DEPP1: variants seen among roughly 807,000 people sequenced by gnomAD.
DEPP1 encodes protein DEPP1.
For synonymous variants in DEPP1, 117 were observed against 113.6 expected (o/e 1.03, Z -0.19); for missense variants, 267 against 280.1 (o/e 0.95, Z 0.33).
chr10:44,977,660 C>T lies in DEPP1; in HGVS notation c.371G>A (p.Arg124Lys), dbSNP rs747007077. Residue 124 changes from arginine to lysine, a missense_variant, in exon 2 of 2, where the codon AGG becomes AAG. Coordinates refer to ENST00000298295, the MANE Select transcript of DEPP1 (RefSeq NM_007021.4). ...EKQPSQRDLP[R>K]RTGPSAGLWG... Reference sequence around the variant, plus strand: ...GAGGCCAGCAGAGGGGCCAGTCCTCCTTGGCAGGTCCCTCTGGCTTGGCTG... The same window carrying T: ...GAGGCCAGCAGAGGGGCCAGTCCTCTTTGGCAGGTCCCTCTGGCTTGGCTG... 1.2e-6 allele frequency: 2 copies of T among 1,612,936 alleles called. No homozygotes were observed. Among genetic ancestry groups the T allele is most frequent in the East Asian group, 2.2e-5 (1 of 44,888 alleles).
intron 1 of DEPP1, 195 bp from the exon 2 acceptor site, chr10:44,978,250 G>A: frequency 1.8e-6 from 1 of 542,948 alleles, no homozygotes; most frequent in Non-Finnish European, 3.2e-6. Flanking sequence ...AAAGGCTTAA[G>A]ATTTTATCAT....
chr10:44,977,552 T>C lies in DEPP1; in HGVS notation c.479A>G (p.His160Arg), dbSNP rs749005637. 1.1e-5 allele frequency: 18 copies of C among 1,613,382 alleles called. No individual in the cohort carries two copies. The South Asian group carries it at 1.5e-4, about 14-fold the overall frequency. ...ATCCTGCGGTGGTCTTGCCAGGGAA[T>C]GCCCAGGCATCCTGGCTTCACAGAG... is the stretch of plus-strand genomic sequence containing the variant. ...GRLCEARMPGHSLARPPQDGQ... is the reference protein window; with the variant it reads ...GRLCEARMPGRSLARPPQDGQ... Residue 160 changes from histidine (H) to arginine (R), a missense_variant, in exon 2 of 2, where the codon CAT becomes CGT. Physicochemically the swap from His to Arg is conservative, Grantham distance 29 (BLOSUM62 0). Transcript: ENST00000298295.
rs775469956 is a variant in DEPP1, at chr10:44,977,875, AGAG to A, written c.153_155del (p.Ser52del). Reference sequence around the variant, plus strand: ...CCTGGGCCGTGGCCTTGTCCAGCACAGAGGTGGGCTGTGCCAGTCGAGATATAG... The same window carrying A: ...CCTGGGCCGTGGCCTTGTCCAGCACAGTGGGCTGTGCCAGTCGAGATATAG... On this transcript the variant is annotated inframe_deletion, in exon 2 of 2. Coordinates refer to ENST00000298295, the MANE Select transcript of DEPP1 (RefSeq NM_007021.4). The A allele has an allele frequency of 3.2e-5, 51 of 1,611,876 alleles. No homozygotes were observed. Among genetic ancestry groups the A allele is most frequent in the Non-Finnish European group, 5.9e-6 (7 of 1,179,392 alleles).
chr10:44,978,163 G>T, intron 1 of DEPP1, 108 bp from the exon 2 acceptor site: 1 of 1,027,212 alleles, frequency 9.7e-7, no homozygotes, highest in South Asian at 1.7e-5. Flanking sequence ...TGCCCTGAGA[G>T]CAATTTGAAG....
rs1841492255 is a variant in DEPP1, at chr10:44,977,551, A to G, written c.480T>C (p.His160=). 2 of 1,613,324 alleles carry G rather than the reference A, an allele frequency of 1.2e-6. No individual in the cohort carries two copies. Among genetic ancestry groups the G allele is most frequent in the African/African-American group, 2.7e-5 (2 of 74,940 alleles). The change falls in exon 2 of 2, where the codon CAT becomes CAC. Residue 160 remains histidine, a synonymous_variant. Transcript: ENST00000298295. ...CATCCTGCGGTGGTCTTGCCAGGGA[A>G]TGCCCAGGCATCCTGGCTTCACAGA... ...GRLCEARMPG[H]SLARPPQDGQ...
rs1841476421 is a variant in DEPP1, at chr10:44,977,312, G to A, written c.*80C>T. Reference sequence around the variant, plus strand: ...GCATTTCCCTTTCAGAGACCTGCCAGGGGCAGTGACCACCATGGAGGAGAC... The same window carrying A: ...GCATTTCCCTTTCAGAGACCTGCCAAGGGCAGTGACCACCATGGAGGAGAC... On this transcript the variant is annotated 3_prime_UTR_variant, in exon 2 of 2. Coordinates refer to ENST00000298295, the MANE Select transcript of DEPP1 (RefSeq NM_007021.4). The A allele has an allele frequency of 1.3e-6, 2 of 1,488,822 alleles. No homozygotes were observed. The highest frequency in any genetic ancestry group is 1.8e-6 in the Non-Finnish European group (2 of 1,113,344). 92.2% of individuals were successfully genotyped at this position (1,488,822 alleles called of 1,614,324 possible). A position where few individuals can be genotyped will look rare whatever the true frequency, so the allele number is the denominator to read the frequency against.
rs775627286 is a variant in DEPP1 at position 44,977,891 on chromosome 10, A to C, written c.140T>G (p.Leu47Arg). 1 of 1,612,478 alleles carries C rather than the reference A, an allele frequency of 6.2e-7. No homozygotes were observed. Among genetic ancestry groups the C allele is most frequent in the Non-Finnish European group, 8.5e-7 (1 of 1,179,716 alleles). ...LDDYVRSISR[L>R]AQPTSVLDKA... is the part of the protein sequence containing the mutation. ...GTCCAGCACAGAGGTGGGCTGTGCC[A>C]GTCGAGATATAGACCTCACGTAGTC... The change falls in exon 2 of 2, where the codon CTG becomes CGG. Residue 47 changes from leucine to arginine, a missense_variant. Coordinates refer to ENST00000298295, the MANE Select transcript of DEPP1 (RefSeq NM_007021.4).
intron 1 of DEPP1, among the ~76,000 whole-genome samples, 200 bp downstream of exon 1, chr10:44,978,418 T>C (rs540696104): frequency 3.0e-4 from 45 of 152,288 alleles, no homozygotes; most frequent in African/African-American, 1.0e-3. Flanking sequence ...AAAACAGGGT[T>C]ATAAATACCC....
At chr10:44,978,234 A>C in intron 1 of DEPP1, 179 bp from the exon 2 acceptor site, 1 of 568,278 alleles carries the variant, frequency 1.8e-6, no homozygotes, top group South Asian at 2.5e-5. Context: ...TCAGGTTAAA[A>C]ACCCCAAAGG....
Position 44,977,446 on chromosome 10 carries a change from G to C in DEPP1, c.585C>G (p.Pro195=). ...QAMASRHRPR[P]SSVLRTLYSH... ...AGTAGAGTGTTCTGAGGACACTGCT[G>C]GGGCGGGGGCGGTGGCGGGAGGCCA... The change falls in exon 2 of 2, where the codon CCC becomes CCG. Residue 195 remains proline (P), a synonymous_variant. Transcript: ENST00000298295. 1 of 1,611,042 alleles carries C rather than the reference G, an allele frequency of 6.2e-7. No individual in the cohort carries two copies. The highest frequency in any genetic ancestry group is 8.5e-7 in the Non-Finnish European group (1 of 1,178,680).
At position 44,977,228 on chromosome 10, in the gene DEPP1, C is replaced by T; in HGVS notation, c.*164G>A. The T allele has an allele frequency of 2.4e-6, 2 of 839,128 alleles. No individual in the cohort carries two copies. The highest frequency in any genetic ancestry group is 3.7e-6 in the Non-Finnish European group (2 of 544,280). The allele number at this position is 839,128 out of a possible 1,614,324, so 52.0% of individuals were successfully genotyped here. A position where few individuals can be genotyped will look rare whatever the true frequency, so the allele number is the denominator to read the frequency against. On this transcript the variant is annotated 3_prime_UTR_variant, in exon 2 of 2. Transcript: ENST00000298295. ...CTCCTCATGTGAAACAGGCTGTTAT[C>T]ATATTCAGAGGGGGTCGGTCTCACT...
chr10:44,977,720 G>A lies in DEPP1; in HGVS notation c.311C>T (p.Pro104Leu), dbSNP rs1841504092. The A allele has an allele frequency of 1.2e-6, 2 of 1,611,246 alleles. No homozygotes were observed. Among genetic ancestry groups the A allele is most frequent in the South Asian group, 1.1e-5 (1 of 91,014 alleles). ...PTLPMADTVD[P>L]LDWLFGESQE... Reference sequence around the variant, plus strand: ...GGACTCCCCAAAAAGCCAGTCCAGGGGGTCCACAGTATCAGCCATGGGCAG... The same window carrying A: ...GGACTCCCCAAAAAGCCAGTCCAGGAGGTCCACAGTATCAGCCATGGGCAG... Residue 104 changes from proline to leucine, a missense_variant, in exon 2 of 2, where the codon CCC (proline) becomes CTC (leucine). Pro to Leu is a moderately conservative substitution (Grantham distance 98). Transcript: ENST00000298295.
rs148426212 is a variant in DEPP1, at chr10:44,977,386, G to A, written c.*6C>T. 3.6e-4 allele frequency: 557 copies of A among 1,561,036 alleles called. 5 individuals carry two copies. The African/African-American group carries it at 6.3e-3, about 18-fold the overall frequency. ...GCTCTCTACAGAAGCCTTTACTGGG[G>A]AGGGGTCAGAGTTCATGGATCACCG... On this transcript the variant is annotated 3_prime_UTR_variant, in exon 2 of 2. Transcript: ENST00000298295.
chr10:44,978,036 T>G lies in DEPP1; in HGVS notation c.-6A>C, dbSNP rs1679981912. The G allele has an allele frequency of 1.3e-6, 2 of 1,597,638 alleles. No homozygotes were observed. The highest frequency in any genetic ancestry group is 2.7e-5 in the African/African-American group (2 of 73,832). On this transcript the variant is annotated 5_prime_UTR_variant, in exon 2 of 2. Transcript: ENST00000298295. ...AGCAGAAGCCGGGACCTCATCACTC[T>G]GGCGAGAGGAGGTGGCAACCTGTTG...
At chr10:44,978,153 T>C in intron 1 of DEPP1, 98 bp from the exon 2 acceptor site, 1 of 1,154,832 alleles carries the variant, frequency 8.7e-7, no homozygotes, top group Non-Finnish European at 1.2e-6. Context: ...AGGAATCCGG[T>C]GCCCTGAGAG....
Position 44,977,830 on chromosome 10 carries a change from G to C in DEPP1, c.201C>G (p.His67Gln). 6.2e-7 allele frequency: 1 copy of C among 1,606,160 alleles called. No individual in the cohort carries two copies. The highest frequency in any genetic ancestry group is 8.5e-7 in the Non-Finnish European group (1 of 1,176,596). Residue 67 changes from histidine to glutamine, a missense_variant, in exon 2 of 2, where the codon CAC becomes CAG. Physicochemically the swap from His to Gln is conservative, Grantham distance 24. Coordinates refer to ENST00000298295, the MANE Select transcript of DEPP1 (RefSeq NM_007021.4). Reference protein sequence around the residue: ...ATAQGQPRPPHRPAQACRKGR... With the variant: ...ATAQGQPRPPQRPAQACRKGR... The stretch of plus-strand genomic sequence containing the variant: ...CCTTCCGGCAGGCCTGGGCTGGCCT[G>C]TGGGGTGGCCTGGGTTGGCCCTGGG...
Position 44,977,289 on chromosome 10 carries a change from AT to A in DEPP1, c.*102del. 1 of 1,438,170 alleles carries A rather than the reference AT, an allele frequency of 7.0e-7. No homozygotes were observed. Among genetic ancestry groups the A allele is most frequent in the South Asian group, 1.5e-5 (1 of 68,806 alleles). 89.1% of individuals were successfully genotyped at this position (1,438,170 alleles called of 1,614,324 possible). On this transcript the variant is annotated 3_prime_UTR_variant, in exon 2 of 2. Transcript: ENST00000298295. The stretch of plus-strand genomic sequence containing the variant: ...CAAGCAGGGGCCTCTGCAGAAAAGC[AT>A]TTCCCTTTCAGAGACCTGCCAGGGG...
chr10:44,977,241 G>T lies in DEPP1; in HGVS notation c.*151C>A. ...ACAGGCTGTTATCATATTCAGAGGGGGTCGGTCTCACTGTGAACTGCCCAA... is the reference window on the plus strand; with the variant it reads ...ACAGGCTGTTATCATATTCAGAGGGTGTCGGTCTCACTGTGAACTGCCCAA... On this transcript the variant is annotated 3_prime_UTR_variant, in exon 2 of 2. Transcript: ENST00000298295. 2 of 930,842 alleles carry T rather than the reference G, an allele frequency of 2.1e-6. No individual in the cohort carries two copies. Among genetic ancestry groups the T allele is most frequent in the Non-Finnish European group, 3.2e-6 (2 of 617,988 alleles). The allele number at this position is 930,842 out of a possible 1,614,324, so 57.7% of individuals were successfully genotyped here.
Position 44,977,389 on chromosome 10 carries a change from G to A in DEPP1, c.*3C>T, listed in dbSNP as rs375767216. 5.0e-5 allele frequency: 78 copies of A among 1,562,866 alleles called. No individual in the cohort carries two copies. In the African/African-American group the frequency reaches 9.7e-4, roughly 19 times the overall value. ...CTCTACAGAAGCCTTTACTGGGGAGGGGTCAGAGTTCATGGATCACCGGGA... is the reference window on the plus strand; with the variant it reads ...CTCTACAGAAGCCTTTACTGGGGAGAGGTCAGAGTTCATGGATCACCGGGA... On this transcript the variant is annotated 3_prime_UTR_variant, in exon 2 of 2. Transcript: ENST00000298295.
Sources: gnomAD v4.1 joint callset for allele counts (sites outside exome capture counted in the v4.1 genomes callset) on GRCh38, gnomAD v4.1.1 for gene constraint, MANE v1.5 for transcripts, NCBI Gene and HGNC (gene_info 2026-07-23, HGNC 2026-07-21) for gene names.